DACH2: variants seen among roughly 807,000 people sequenced by gnomAD.
DACH2 encodes dachshund family transcription factor 2.
DACH2 carries 17 observed loss-of-function variants against 35.8 expected under a neutral mutation model. The ratio of observed to expected loss-of-function variants is 0.48; its 90% CI spans 0.33 to 0.71. The LOEUF is 0.71. Ranked by LOEUF, DACH2 falls within the 30% of genes least tolerant of loss-of-function variation. The probability of loss-of-function intolerance (pLI) is 0.02; values close to 1 mark genes in which losing one functional copy is unlikely to be tolerated. For synonymous variants in DACH2, 195 were observed against 177.3 expected (o/e 1.10, Z -0.79); for missense variants, 469 against 472.7 (o/e 0.99, Z 0.07).
chrX:86,302,237 C>G (rs780851500), intron 1 of DACH2, among the ~76,000 whole-genome samples: 1 of 111,540 alleles, frequency 9.0e-6, no homozygotes, highest in African/African-American at 3.2e-5. Flanking sequence ...TAACTTCCTT[C>G]TGCCTTGAAA....
chrX:86,611,921 C>T (rs1410908723), intron 3 of DACH2, among the ~76,000 whole-genome samples: 1 of 108,127 alleles, frequency 9.2e-6, no homozygotes, highest in South Asian at 4.2e-4. Flanking sequence ...TATTAATGTG[C>T]TTCTTTTGTG....
rs370602723 is a variant in DACH2, at chrX:86,422,219, T to G, written c.527+45357T>G. Among the ~76,000 whole-genome samples the G allele has an allele frequency of 1.1e-4, 12 of 111,199 alleles. No homozygotes were observed. The East Asian group carries it at 2.8e-3, about 26-fold the overall frequency. Reference sequence around the variant, plus strand: ...TGCATGATGAAATGAGTTGAATAAATATTCTACAGGGAAAAAAAGGTGCAG... The same window carrying G: ...TGCATGATGAAATGAGTTGAATAAAGATTCTACAGGGAAAAAAAGGTGCAG... On this transcript the variant is annotated intron_variant, in intron 2 of 11. Transcript: ENST00000373125.
At chrX:86,765,032 G>T (rs1219187455) in intron 7 of DACH2, among the ~76,000 whole-genome samples, 1 of 111,478 alleles carries the variant, frequency 9.0e-6, no homozygotes, top group Non-Finnish European at 1.9e-5. Context: ...GTCTTCTTTT[G>T]AGAAGTGTCT....
intron 1 of DACH2, among the ~76,000 whole-genome samples, chrX:86,217,673 G>T (rs1395508533): frequency 9.0e-6 from 1 of 111,200 alleles, no homozygotes; most frequent in African/African-American, 3.3e-5. Flanking sequence ...GACAGAGAAA[G>T]AATTAAAACT....
In DACH2 at chrX:86,540,374, C is replaced by A. The variant is rs1253517698; in HGVS notation, c.640+25983C>A. 4.5e-5 allele frequency among the ~76,000 whole-genome samples: 5 copies of A among 112,089 alleles called. No individual in the cohort carries two copies. The South Asian group carries it at 1.8e-3, about 41-fold the overall frequency. On this transcript the variant is annotated intron_variant, in intron 3 of 11. Transcript: ENST00000373125. Reference sequence around the variant, plus strand: ...CAGAAACAAGATGTTAAATGTGAATCTGAAGACAGGCACTACAACCATCAT... The same window carrying A: ...CAGAAACAAGATGTTAAATGTGAATATGAAGACAGGCACTACAACCATCAT...
chrX:86,576,950 A>G (rs2039443074), intron 3 of DACH2, among the ~76,000 whole-genome samples: 1 of 111,769 alleles, frequency 8.9e-6, no homozygotes, highest in Non-Finnish European at 1.9e-5. Context: ...CACCAAAAGC[A>G]GATGCTGGCA....
chrX:86,312,491 T>C (rs2034821047), intron 1 of DACH2, among the ~76,000 whole-genome samples: 2 of 111,541 alleles, frequency 1.8e-5, no homozygotes, highest in African/African-American at 3.3e-5. Context: ...CTTGATTGGA[T>C]TGAGGAATAT....
chrX:86,193,190 A>G (rs1299965562), intron 1 of DACH2, among the ~76,000 whole-genome samples: 1 of 111,951 alleles, frequency 8.9e-6, no homozygotes, highest in Non-Finnish European at 1.9e-5. Flanking sequence ...ATAATTAAAA[A>G]TTTTAATTGA....
intron 1 of DACH2, among the ~76,000 whole-genome samples, chrX:86,282,969 G>A (rs1396863457): frequency 2.4e-5 from 1 of 42,213 alleles, no homozygotes; most frequent in Non-Finnish European, 3.6e-5. Flanking sequence ...TAGTAGAGAC[G>A]GGGTTTCACC....
chrX:86,798,232 C>G (rs1384691002), intron 7 of DACH2, among the ~76,000 whole-genome samples: 1 of 111,935 alleles, frequency 8.9e-6, no homozygotes, highest in Admixed American at 9.5e-5. Flanking sequence ...AGCAATGGTA[C>G]AGATGAGAGT....
At chrX:86,467,967 G>A (rs983622758) in intron 2 of DACH2, among the ~76,000 whole-genome samples, 1 of 111,000 alleles carries the variant, frequency 9.0e-6, no homozygotes, top group Non-Finnish European at 1.9e-5. Context: ...TGATACATGG[G>A]GATTATAGGA....
intron 3 of DACH2, among the ~76,000 whole-genome samples, chrX:86,543,841 G>C (rs1458437769): frequency 2.8e-4 from 21 of 75,948 alleles, no homozygotes; most frequent in African/African-American, 8.7e-4. Flanking sequence ...ATTGTGGGGT[G>C]GGGGGAGGGG....
chrX:86,455,414 G>C (rs1034359281), intron 2 of DACH2, among the ~76,000 whole-genome samples: 1 of 111,547 alleles, frequency 9.0e-6, no homozygotes, highest in Non-Finnish European at 1.9e-5. Context: ...CAGCGATGGT[G>C]ACCGTCCCTC....
chrX:86,375,496 T>C (rs2035950277), intron 1 of DACH2, among the ~76,000 whole-genome samples: 1 of 104,485 alleles, frequency 9.6e-6, no homozygotes, highest in Non-Finnish European at 2.0e-5. Flanking sequence ...TTGGTAAAAT[T>C]GAAAAAGTGC....
intron 3 of DACH2, among the ~76,000 whole-genome samples, chrX:86,596,599 G>A (rs1030912894): frequency 9.1e-6 from 1 of 110,292 alleles, no homozygotes; most frequent in Non-Finnish European, 1.9e-5. Flanking sequence ...AGTTATTAGG[G>A]TTCTCCACGG....
chrX:86,325,643 G>T lies in DACH2; in HGVS notation c.489-51181G>T, dbSNP rs187823351. Among the ~76,000 whole-genome samples the T allele has an allele frequency of 1.1e-4, 12 of 112,342 alleles. No homozygotes were observed. In the East Asian group the frequency reaches 2.8e-3, roughly 26 times the overall value. The stretch of plus-strand genomic sequence containing the variant: ...AATCAACTTGATGCAATTTTAGTGA[G>T]ATCAGTTACTACTCATCACTGTTGC... On this transcript the variant is annotated intron_variant, in intron 1 of 11. Coordinates refer to ENST00000373125, the MANE Select transcript of DACH2 (RefSeq NM_053281.3).
intron 1 of DACH2, among the ~76,000 whole-genome samples, chrX:86,323,864 C>T (rs910821418): frequency 8.9e-6 from 1 of 112,287 alleles, no homozygotes; most frequent in African/African-American, 3.2e-5. Flanking sequence ...AGACCGGTGG[C>T]TAGCCCTCAT....
At chrX:86,160,444 T>C in intron 1 of DACH2, 1 of 535,715 alleles carries the variant, frequency 1.9e-6, no homozygotes, top group Admixed American at 2.5e-5. Flanking sequence ...ACTTCAAGAA[T>C]TTAGAGCCAT....
At chrX:86,670,615 T>A (rs1369173769) in intron 4 of DACH2, among the ~76,000 whole-genome samples, 1 of 111,610 alleles carries the variant, frequency 9.0e-6, no homozygotes, top group African/African-American at 3.3e-5. Flanking sequence ...GACTTATACG[T>A]CTCTGCCTAT....
Sources: gnomAD v4.1 joint callset for allele counts (sites outside exome capture counted in the v4.1 genomes callset) on GRCh38, gnomAD v4.1.1 for gene constraint, MANE v1.5 for transcripts, NCBI Gene and HGNC (gene_info 2026-07-23, HGNC 2026-07-21) for gene names.